Variants in RAB6B observed in about 807,000 individuals in gnomAD.
RAB6B encodes ras-related protein Rab-6B.
Under a neutral mutation model 31.2 loss-of-function variants are expected in RAB6B, and 7 were observed. The observed-to-expected ratio is 0.22, with a 90% CI of 0.13 to 0.42. RAB6B has a LOEUF of 0.42. Among genes scored for constraint, RAB6B ranks in the 10% least tolerant of loss-of-function variants. The pLI, the probability that RAB6B is intolerant of heterozygous loss-of-function variation, is 1.00. For missense variants in RAB6B, 149 were observed against 280.6 expected, an observed-to-expected ratio of 0.53 and a Z score of 3.35; for synonymous variants, 105 against 104.9, an observed-to-expected ratio of 1.00 and a Z score of -0.01.
At chr3:133,838,052 T>C (rs1353815935) in intron 6 of RAB6B, 114 bp downstream of exon 6, 3 of 1,109,376 alleles carry the variant, frequency 2.7e-6, no homozygotes, top group South Asian at 2.6e-5. Context: ...TCTGGTTGGC[T>C]GCCCCAATCC....
At chr3:133,864,755 G>T in intron 1 of RAB6B, 113 bp from the exon 2 acceptor site, 1 of 1,050,274 alleles carries the variant, frequency 9.5e-7, no homozygotes, top group Non-Finnish European at 1.5e-6. Flanking sequence ...GGGAAAGGCC[G>T]AGTTGCAGAA....
In RAB6B at chr3:133,895,699, G is replaced by A. The variant is rs1175783234; in HGVS notation, c.-233C>T. 9.0e-6 allele frequency: 5 copies of A among 555,414 alleles called. No individual in the cohort carries two copies. The highest frequency in any genetic ancestry group is 1.6e-5 in the Non-Finnish European group (5 of 318,154). 34.4% of individuals were successfully genotyped at this position (555,414 alleles called of 1,614,324 possible). On this transcript the variant is annotated 5_prime_UTR_variant, in exon 1 of 8. Coordinates refer to ENST00000285208, the MANE Select transcript of RAB6B (RefSeq NM_016577.4). The stretch of plus-strand genomic sequence containing the variant: ...GGAGGCGGAGGAAGGCTGGGGCTGG[G>A]CTGCTGCGGTCGGCACTGGCTGCGG...
intron 1 of RAB6B, among the ~76,000 whole-genome samples, chr3:133,891,982 C>T (rs1936644107): frequency 2.0e-5 from 3 of 152,174 alleles, no homozygotes; most frequent in Non-Finnish European, 4.4e-5. Flanking sequence ...GCACAGCAGA[C>T]GCATCCCTGA....
intron 1 of RAB6B, among the ~76,000 whole-genome samples, chr3:133,876,037 A>G (rs986613454): frequency 6.6e-6 from 1 of 152,232 alleles, no homozygotes; most frequent in Non-Finnish European, 1.5e-5. Context: ...GTAGCTATGT[A>G]TCAATAACAA....
intron 2 of RAB6B, among the ~76,000 whole-genome samples, chr3:133,851,651 A>C (rs1240937566): frequency 6.6e-6 from 1 of 152,170 alleles, no homozygotes; most frequent in Non-Finnish European, 1.5e-5. Context: ...TGGGTGACTA[A>C]GATAAGGTAC....
chr3:133,865,620 T>C (rs1936228308), intron 1 of RAB6B, among the ~76,000 whole-genome samples: 1 of 152,266 alleles, frequency 6.6e-6, no homozygotes, highest in African/African-American at 2.4e-5. Flanking sequence ...CCAGCTGTGC[T>C]GGCTCAGAGC....
intron 6 of RAB6B, 36 bp from the exon 7 acceptor site, chr3:133,834,677 C>T (rs375821463): frequency 1.9e-6 from 3 of 1,592,034 alleles, no homozygotes; most frequent in Admixed American, 3.3e-5. Flanking sequence ...GAACCCCAAC[C>T]CTGGCCCTCC....
At chr3:133,846,177 T>G (rs1935906397) in intron 2 of RAB6B, among the ~76,000 whole-genome samples, 1 of 152,226 alleles carries the variant, frequency 6.6e-6, no homozygotes, top group Non-Finnish European at 1.5e-5. Flanking sequence ...CTGGGCATGG[T>G]GGCTCATGCC....
intron 2 of RAB6B, among the ~76,000 whole-genome samples, chr3:133,863,881 T>C (rs1384537755): frequency 6.6e-6 from 1 of 152,110 alleles, no homozygotes; most frequent in Non-Finnish European, 1.5e-5. Flanking sequence ...GCATGGAAAA[T>C]TCACTTTACT....
rs754263427 is a variant in RAB6B, at chr3:133,839,493, C to G, written c.401+13G>C. The stretch of plus-strand genomic sequence containing the variant: ...GAGGGTGGCACCCTGCACCTGTGTG[C>G]CCTTGCACCTACCTCTTATCAGCCA... On this transcript the variant is annotated intron_variant, in intron 5 of 7. Transcript: ENST00000285208. 6.3e-7 allele frequency: 1 copy of G among 1,599,662 alleles called. No individual in the cohort carries two copies. Among genetic ancestry groups the G allele is most frequent in the East Asian group, 2.2e-5 (1 of 44,812 alleles).
At chr3:133,849,437 C>T (rs1672352346) in intron 2 of RAB6B, among the ~76,000 whole-genome samples, 2 of 152,228 alleles carry the variant, frequency 1.3e-5, no homozygotes, top group South Asian at 4.1e-4. Flanking sequence ...GTAAAGTTTG[C>T]AAACTGCCTT....
chr3:133,860,540 G>A lies in RAB6B; in HGVS notation c.129+4044C>T, dbSNP rs116776956. On this transcript the variant is annotated intron_variant, in intron 2 of 7. Coordinates refer to ENST00000285208, the MANE Select transcript of RAB6B (RefSeq NM_016577.4). ...AAGGCACTCTGCGGCAATTTGTTAA[G>A]GCAGCCCCAGGAGAAGAGAGAGGAA... is the stretch of plus-strand genomic sequence containing the variant. 3.1e-3 allele frequency among the ~76,000 whole-genome samples: 467 copies of A among 152,332 alleles called. 4 individuals are homozygous for A. Among genetic ancestry groups the A allele is most frequent in the African/African-American group, 0.011 (452 of 41,570 alleles).
chr3:133,878,335 G>C (rs1050330059), intron 1 of RAB6B, among the ~76,000 whole-genome samples: 14 of 152,166 alleles, frequency 9.2e-5, no homozygotes, highest in Admixed American at 7.9e-4. Flanking sequence ...AAAAAGGACA[G>C]TATATTTCTC....
chr3:133,858,664 C>G (rs990119971), intron 2 of RAB6B, among the ~76,000 whole-genome samples: 2 of 152,200 alleles, frequency 1.3e-5, no homozygotes, highest in African/African-American at 4.8e-5. Flanking sequence ...CTATCTTTAT[C>G]TACAGTCCCA....
rs367591727 is a variant in RAB6B at position 133,864,534 on chromosome 3, G to A, written c.129+50C>T. ...ACCCCAGCTCAGCAAGTTTCAAAGA[G>A]AGGTCAGCCACTGCCAGATGATATG... On this transcript the variant is annotated intron_variant, in intron 2 of 7. Transcript: ENST00000285208. 4.4e-6 allele frequency: 7 copies of A among 1,573,750 alleles called. No individual in the cohort carries two copies. In the African/African-American group the frequency reaches 8.1e-5, roughly 18 times the overall value.
chr3:133,859,635 G>A (rs1478188436), intron 2 of RAB6B, among the ~76,000 whole-genome samples: 1 of 152,222 alleles, frequency 6.6e-6, no homozygotes, highest in Non-Finnish European at 1.5e-5. Context: ...ACCTGAGAAT[G>A]TGCTGACCTG....
intron 1 of RAB6B, chr3:133,894,524 TG>T (rs1276190511): frequency 6.6e-6 from 1 of 151,486 alleles, no homozygotes; most frequent in East Asian, 1.9e-4. Flanking sequence ...GAGGTGGGGG[TG>T]GGAAGAATCC....
intron 2 of RAB6B, among the ~76,000 whole-genome samples, chr3:133,848,055 T>C (rs1375912055): frequency 6.6e-6 from 1 of 152,228 alleles, no homozygotes; most frequent in East Asian, 1.9e-4. Flanking sequence ...CCCAAATCTA[T>C]GCATCCAGCT....
intron 6 of RAB6B, among the ~76,000 whole-genome samples, chr3:133,836,586 C>T (rs1056402927): frequency 1.3e-5 from 2 of 152,194 alleles, no homozygotes; most frequent in Non-Finnish European, 2.9e-5. Context: ...GCATCAGTGC[C>T]TCCCTGACCC....
Sources: gnomAD v4.1 joint callset for allele counts (sites outside exome capture counted in the v4.1 genomes callset) on GRCh38, gnomAD v4.1.1 for gene constraint, MANE v1.5 for transcripts, NCBI Gene and HGNC (gene_info 2026-07-23, HGNC 2026-07-21) for gene names.